Variants in PYY observed in about 807,000 individuals in gnomAD.
The protein encoded by PYY is peptide YY, also known as peptide tyrosine tyrosine.
In PYY, 12 loss-of-function variants were observed where a neutral mutation model predicts 10.3. The ratio of observed to expected loss-of-function variants is 1.17; its 90% confidence interval spans 0.75 to 1.89. PYY has a LOEUF of 1.89. Among genes scored for constraint, PYY ranks in the 40% most tolerant of loss-of-function variants. PYY has a pLI of 0.00. For synonymous variants in PYY, 66 were observed against 62.0 expected, an observed-to-expected ratio of 1.06 and a Z score of -0.30; for missense variants, 141 against 134.0, an observed-to-expected ratio of 1.05 and a Z score of -0.26.
At chr17:43,989,845 T>A (rs1642593) in intron 1 of PYY, among the ~76,000 whole-genome samples, 31 of 568 alleles carry the variant, frequency 0.055, 11 homozygotes, top group Admixed American at 0.12. Flanking sequence ...AAAAAAAAAA[T>A]ATATATATAT....
intron 1 of PYY, among the ~76,000 whole-genome samples, chr17:43,984,265 G>C (rs1295094802): frequency 6.6e-6 from 1 of 152,318 alleles, no homozygotes; most frequent in African/African-American, 2.4e-5. Flanking sequence ...GCCGAACCCG[G>C]TGCCCTGTCG....
chr17:43,970,488 CAGA>C (rs2048784591), intron 1 of PYY, among the ~76,000 whole-genome samples: 1 of 149,580 alleles, frequency 6.7e-6, no homozygotes, highest in East Asian at 2.0e-4. Flanking sequence ...GCCTAAACGA[CAGA>C]AGGAGACCCT....
intron 2 of PYY, among the ~76,000 whole-genome samples, chr17:43,964,239 T>G (rs1305511569): frequency 1.3e-5 from 2 of 152,178 alleles, no homozygotes; most frequent in Non-Finnish European, 2.9e-5. Flanking sequence ...CAGGCTGGTC[T>G]AAATTTCTTG....
chr17:43,959,447 G>C (rs1276014909), intron 2 of PYY, among the ~76,000 whole-genome samples: 2 of 152,240 alleles, frequency 1.3e-5, no homozygotes, highest in Non-Finnish European at 2.9e-5. Context: ...CACTTTGGGA[G>C]ACCAAGGCGG....
chr17:43,983,032 G>C (rs1404856144), intron 1 of PYY, among the ~76,000 whole-genome samples: 1 of 152,132 alleles, frequency 6.6e-6, no homozygotes, highest in East Asian at 1.9e-4. Context: ...GGGAGTTCAA[G>C]ACCAGCCTGG....
intron 1 of PYY, among the ~76,000 whole-genome samples, chr17:44,000,136 G>A (rs959290195): frequency 9.2e-5 from 14 of 152,128 alleles, no homozygotes; most frequent in Middle Eastern, 3.4e-3. Flanking sequence ...TCCCACCTCC[G>A]CGTCCTGAGT....
chr17:43,978,812 G>T (rs1319659595), intron 1 of PYY, among the ~76,000 whole-genome samples: 1 of 152,180 alleles, frequency 6.6e-6, no homozygotes, highest in Non-Finnish European at 1.5e-5. Context: ...CCACCCCTTG[G>T]CTGGGTTGGG....
At chr17:43,962,229 T>C (rs1391734478) in intron 2 of PYY, among the ~76,000 whole-genome samples, 2 of 152,138 alleles carry the variant, frequency 1.3e-5, no homozygotes, top group Non-Finnish European at 2.9e-5. Flanking sequence ...TTAGAAGGAA[T>C]GGGGGTACCC....
intron 1 of PYY, among the ~76,000 whole-genome samples, chr17:43,994,298 T>G (rs1487743496): frequency 6.6e-6 from 1 of 152,118 alleles, no homozygotes. Flanking sequence ...AGGCACTCCC[T>G]TCCTCAAAAC....
intron 1 of PYY, among the ~76,000 whole-genome samples, chr17:43,984,432 A>G (rs1183135150): frequency 6.6e-6 from 1 of 152,140 alleles, no homozygotes; most frequent in Non-Finnish European, 1.5e-5. Context: ...ATAATATCTA[A>G]CTGAACTGGG....
At chr17:43,984,043 C>A (rs2048900112) in intron 1 of PYY, among the ~76,000 whole-genome samples, 1 of 152,222 alleles carries the variant, frequency 6.6e-6, no homozygotes, top group Non-Finnish European at 1.5e-5. Flanking sequence ...TTGCACGCCC[C>A]GGCCGCCGGA....
At chr17:43,997,936 G>GT (rs1408064858) in intron 1 of PYY, among the ~76,000 whole-genome samples, 2 of 151,814 alleles carry the variant, frequency 1.3e-5, no homozygotes, top group African/African-American at 4.8e-5. Flanking sequence ...CCATAGATTG[G>GT]TTTTTTTGTT....
chr17:43,976,886 T>G (rs1377387161), intron 1 of PYY, among the ~76,000 whole-genome samples: 1 of 152,234 alleles, frequency 6.6e-6, no homozygotes, highest in Non-Finnish European at 1.5e-5. Context: ...TTCTGATCTT[T>G]GTGCACCAGT....
At chr17:43,998,239 C>T (rs1352201600) in intron 1 of PYY, among the ~76,000 whole-genome samples, 2 of 91,816 alleles carry the variant, frequency 2.2e-5, no homozygotes, top group Non-Finnish European at 4.4e-5. Context: ...ATGCCTGAAC[C>T]CACAGATTTT....
At chr17:43,963,784 A>AT (rs1162483526) in intron 2 of PYY, among the ~76,000 whole-genome samples, 1 of 150,620 alleles carries the variant, frequency 6.6e-6, no homozygotes, top group Non-Finnish European at 1.5e-5. Flanking sequence ...ACTGGGCAAC[A>AT]TAAAGAGACC....
At chr17:43,970,083 C>G (rs57328075) in intron 1 of PYY, among the ~76,000 whole-genome samples, 5 of 151,310 alleles carry the variant, frequency 3.3e-5, no homozygotes, top group African/African-American at 1.2e-4. Flanking sequence ...TGCCTGTAGT[C>G]TCAGCTACTG....
chr17:43,994,835 A>T (rs1277124339), intron 1 of PYY, among the ~76,000 whole-genome samples: 1 of 152,174 alleles, frequency 6.6e-6, no homozygotes, highest in Non-Finnish European at 1.5e-5. Flanking sequence ...CCTGGGCCCA[A>T]CGAACGGGAG....
chr17:43,956,673 AC>A (rs929673168), upstream of PYY, among the ~76,000 whole-genome samples: 3 of 152,280 alleles, frequency 2.0e-5, no homozygotes, highest in Admixed American at 1.3e-4. Flanking sequence ...ACCCCAGCCA[AC>A]AATTCTCCTT....
chr17:43,953,079 T>G (rs768287479), intron 3 of PYY, 30 bp downstream of exon 3: 1 of 1,611,898 alleles, frequency 6.2e-7, no homozygotes, highest in Non-Finnish European at 8.5e-7. Context: ...CGCTCTCGGA[T>G]GCAGGATGTG....
Sources: allele counts gnomAD v4.1 joint callset (sites outside exome capture counted in the v4.1 genomes callset), GRCh38; gene constraint gnomAD v4.1.1; transcripts MANE v1.5; gene names NCBI Gene and HGNC (gene_info 2026-07-23, HGNC 2026-07-21).